The following KCNH8 variants were observed in gnomAD, a reference collection of about 807,000 sequenced individuals.
KCNH8 encodes the protein voltage-gated delayed rectifier potassium channel KCNH8.
In KCNH8, 70 loss-of-function variants were observed where a neutral mutation model predicts 103.6. The ratio of observed to expected loss-of-function variants is 0.68; its 90% CI spans 0.56 to 0.82. The LOEUF (loss-of-function observed/expected upper bound fraction) is 0.82, where lower values mean the gene tolerates loss of function less well. Ranked by LOEUF, KCNH8 falls within the 40% of genes least tolerant of loss-of-function variation. The probability of loss-of-function intolerance (pLI) is 0.00; values close to 1 mark genes in which losing one functional copy is unlikely to be tolerated. For missense variants in KCNH8, 1,217 were observed against 1,329.9 expected (o/e 0.92, Z 1.32); for synonymous variants, 498 against 489.4 (o/e 1.02, Z -0.23).
chr3:19,290,839 T>C (rs2064910109), intron 3 of KCNH8, among the ~76,000 whole-genome samples: 2 of 152,338 alleles, frequency 1.3e-5, no homozygotes, highest in East Asian at 3.9e-4. Flanking sequence ...CTCCTCTTTG[T>C]ACCTGTGGTA....
At chr3:19,209,155 A>G (rs2063744884) in intron 1 of KCNH8, among the ~76,000 whole-genome samples, 1 of 152,056 alleles carries the variant, frequency 6.6e-6, no homozygotes, top group African/African-American at 2.4e-5. Context: ...AGGAGTAAAT[A>G]AATGTGTAAA....
chr3:19,357,210 TAA>T (rs11349666), intron 5 of KCNH8, among the ~76,000 whole-genome samples: 2 of 151,222 alleles, frequency 1.3e-5, no homozygotes, highest in African/African-American at 4.9e-5. Context: ...TTTTCCCTGA[TAA>T]AAAAAAAGAA....
intron 8 of KCNH8, among the ~76,000 whole-genome samples, chr3:19,439,351 T>G (rs767717489): frequency 4.6e-5 from 7 of 152,184 alleles, no homozygotes; most frequent in Non-Finnish European, 8.8e-5. Flanking sequence ...AGTTCAATAT[T>G]CTGTTTAACT....
At chr3:19,199,996 C>T (rs1488362533) in intron 1 of KCNH8, among the ~76,000 whole-genome samples, 1 of 151,932 alleles carries the variant, frequency 6.6e-6, no homozygotes, top group Non-Finnish European at 1.5e-5. Flanking sequence ...TATCTTGGTA[C>T]AAGTTTTTAT....
intron 2 of KCNH8, among the ~76,000 whole-genome samples, chr3:19,274,210 A>G (rs1355891249): frequency 1.3e-5 from 2 of 152,184 alleles, no homozygotes; most frequent in Admixed American, 6.5e-5. Flanking sequence ...AATACTACAC[A>G]TCTCAATCTC....
chr3:19,302,049 T>A (rs2065070547), intron 3 of KCNH8, among the ~76,000 whole-genome samples: 1 of 152,116 alleles, frequency 6.6e-6, no homozygotes, highest in East Asian at 1.9e-4. Flanking sequence ...CATTTACGGT[T>A]TTGATGGCGG....
chr3:19,193,128 ATTATAC>A (rs760846233), intron 1 of KCNH8, among the ~76,000 whole-genome samples: 12 of 151,790 alleles, frequency 7.9e-5, no homozygotes, highest in Non-Finnish European at 1.6e-4. Context: ...TTCATTTCTT[ATTATAC>A]TTAAAGTTTT....
chr3:19,435,925 A>G (rs975251329), intron 7 of KCNH8, among the ~76,000 whole-genome samples: 1 of 152,196 alleles, frequency 6.6e-6, no homozygotes, highest in Non-Finnish European at 1.5e-5. Context: ...ATGCACACAT[A>G]TAAATAGTAA....
chr3:19,374,659 G>T (rs2066162095), intron 5 of KCNH8, among the ~76,000 whole-genome samples: 1 of 151,556 alleles, frequency 6.6e-6, no homozygotes, highest in African/African-American at 2.4e-5. Context: ...GATGTCAGCT[G>T]GTTCTTTTGC....
In KCNH8 at chr3:19,513,211, C is replaced by A; in HGVS notation, c.2321C>A (p.Ser774Tyr). The A allele has an allele frequency of 1.2e-6, 2 of 1,613,836 alleles. No individual in the cohort carries two copies. Among genetic ancestry groups the A allele is most frequent in the African/African-American group, 2.7e-5 (2 of 74,980 alleles). The stretch of plus-strand genomic sequence containing the variant: ...CCTATCAGAGTCTCCAGGTCAAATT[C>A]CCCCAAAACCAAGCAGGAAATTGAC... ...HSPIRVSRSN[S>Y]PKTKQEIDPP... is the part of the protein sequence containing the mutation. The change falls in exon 13 of 16, where the codon TCC (serine) becomes TAC (tyrosine). Residue 774 changes from serine (S) to tyrosine (Y), a missense_variant. Physicochemically the swap from Ser to Tyr is moderately radical, Grantham distance 144. Transcript: ENST00000328405.
chr3:19,159,107 C>T (rs138556210), intron 1 of KCNH8, among the ~76,000 whole-genome samples: 1 of 151,660 alleles, frequency 6.6e-6, no homozygotes, highest in Non-Finnish European at 1.5e-5. Context: ...TTTCATTAAG[C>T]CTTTTTATCC....
At chr3:19,495,463 TC>T (rs2068419299) in intron 11 of KCNH8, among the ~76,000 whole-genome samples, 1 of 152,014 alleles carries the variant, frequency 6.6e-6, no homozygotes, top group South Asian at 2.1e-4. Context: ...GAGGAGGGAG[TC>T]CTTTCCCCAT....
intron 3 of KCNH8, among the ~76,000 whole-genome samples, chr3:19,288,374 C>T (rs2064867223): frequency 6.6e-6 from 1 of 151,376 alleles, no homozygotes; most frequent in Non-Finnish European, 1.5e-5. Flanking sequence ...TGCTATCCCT[C>T]CCCCCGTCCC....
chr3:19,248,201 A>G (rs544501851), intron 1 of KCNH8, among the ~76,000 whole-genome samples: 1 of 152,278 alleles, frequency 6.6e-6, no homozygotes, highest in African/African-American at 2.4e-5. Context: ...TGGAATACAA[A>G]TTTGTTGGCC....
intron 7 of KCNH8, among the ~76,000 whole-genome samples, chr3:19,400,558 C>G (rs1379753077): frequency 6.6e-6 from 1 of 151,954 alleles, no homozygotes; most frequent in Non-Finnish European, 1.5e-5. Flanking sequence ...GCTCTTTTAT[C>G]TCTTACCCTT....
chr3:19,322,893 T>C (rs377449401), intron 3 of KCNH8, among the ~76,000 whole-genome samples: 3 of 152,330 alleles, frequency 2.0e-5, no homozygotes, highest in Admixed American at 1.3e-4. Flanking sequence ...TTTTTTATTC[T>C]TTTTTCTTTG....
chr3:19,507,460 G>C (rs1352540278), intron 11 of KCNH8, among the ~76,000 whole-genome samples: 1 of 152,134 alleles, frequency 6.6e-6, no homozygotes, highest in Admixed American at 6.5e-5. Context: ...TCTCCTTATG[G>C]TGTGTAGTGT....
chr3:19,456,243 A>G (rs982270185), intron 10 of KCNH8, among the ~76,000 whole-genome samples: 24 of 152,010 alleles, frequency 1.6e-4, no homozygotes, highest in Non-Finnish European at 7.4e-5. Context: ...TTAAAACTCT[A>G]TTTTTTATTT....
chr3:19,324,437 A>G (rs2065393262), intron 3 of KCNH8, among the ~76,000 whole-genome samples: 1 of 152,156 alleles, frequency 6.6e-6, no homozygotes, highest in Non-Finnish European at 1.5e-5. Flanking sequence ...TCACTATCAC[A>G]GGAACAGCAG....
Sources: gnomAD v4.1 joint callset for allele counts (sites outside exome capture counted in the v4.1 genomes callset) on GRCh38, gnomAD v4.1.1 for gene constraint, MANE v1.5 for transcripts, NCBI Gene and HGNC (gene_info 2026-07-23, HGNC 2026-07-21) for gene names.